The following FOS variants were observed in gnomAD, a reference collection of about 807,000 sequenced individuals.
FOS encodes the protein protein c-Fos.
FOS carries 9 observed loss-of-function variants against 27.2 expected under a neutral mutation model. The observed-to-expected ratio is 0.33, with a 90% CI of 0.20 to 0.58. The LOEUF (loss-of-function observed/expected upper bound fraction) is 0.58, where lower values mean the gene tolerates loss of function less well. FOS is among the 20% of genes least tolerant of loss of function. The pLI is 0.87. For synonymous variants in FOS, 213 were observed against 205.1 expected (o/e 1.04, Z -0.33); for missense variants, 405 against 483.5 (o/e 0.84, Z 1.52).
At position 75,281,052 on chromosome 14, in the gene FOS, G is replaced by A; in HGVS notation, c.771G>A (p.Lys257=). 2 of 1,613,210 alleles carry A rather than the reference G, an allele frequency of 1.2e-6. No homozygotes were observed. Among genetic ancestry groups the A allele is most frequent in the Non-Finnish European group, 1.7e-6 (2 of 1,180,032 alleles). ...CCAAGCCCTCAGTGGAACCTGTCAA[G>A]AGCATCAGCAGCATGGAGCTGAAGA... The part of the protein sequence containing the change: ...PEPKPSVEPV[K]SISSMELKTE... The change falls in exon 4 of 4, where the codon AAG becomes AAA. Residue 257 remains lysine (K), a synonymous_variant. Transcript: ENST00000303562. This position sits in a 1 kb window ranked among gnomAD's most constrained non-coding sequence, Gnocchi z 4.7.
In FOS at chr14:75,278,902, G is replaced by A; in HGVS notation, c.-81G>A. 1 of 1,552,558 alleles carries A rather than the reference G, an allele frequency of 6.4e-7. No homozygotes were observed. The highest frequency in any genetic ancestry group is 8.8e-7 in the Non-Finnish European group (1 of 1,140,500). On this transcript the variant is annotated 5_prime_UTR_variant, in exon 1 of 4. In the 5' UTR this introduces an upstream ATG that the reference lacks. Coordinates refer to ENST00000303562, the MANE Select transcript of FOS (RefSeq NM_005252.4). The surrounding 1 kb of genome is among the most constrained non-coding windows in gnomAD (Gnocchi z 4.1). Reference sequence around the variant, plus strand: ...GCGGCGCAGCGAACGAGCAGTGACCGTGCTCCTACCCAGCTCTGCTCCACA... The same window carrying A: ...GCGGCGCAGCGAACGAGCAGTGACCATGCTCCTACCCAGCTCTGCTCCACA...
Position 75,279,041 on chromosome 14 carries a change from C to T in FOS, c.59C>T (p.Ala20Val). ...GCGTCATCCTCCCGCTGCAGCAGCG[C>T]GTCCCCGGCCGGGGATAGCCTCTCT... ...YEASSSRCSSASPAGDSLSYY... is the reference protein window; with the variant it reads ...YEASSSRCSSVSPAGDSLSYY... The change falls in exon 1 of 4, where the codon GCG (alanine) becomes GTG (valine). Residue 20 changes from alanine (A) to valine (V), a missense_variant. By Grantham distance (64) the Ala-to-Val change is moderately conservative. Transcript: ENST00000303562. This position sits in a 1 kb window ranked among gnomAD's most constrained non-coding sequence, Gnocchi z 5.4. 1 of 1,613,720 alleles carries T rather than the reference C, an allele frequency of 6.2e-7. No individual in the cohort carries two copies. Among genetic ancestry groups the T allele is most frequent in the African/African-American group, 1.3e-5 (1 of 75,058 alleles).
Position 75,281,396 on chromosome 14 carries a change from T to C in FOS, c.1115T>C (p.Leu372Pro). Reference sequence around the variant, plus strand: ...AGCAATGAGCCTTCCTCTGACTCGCTCAGCTCACCCACGCTGCTGGCCCTG... The same window carrying C: ...AGCAATGAGCCTTCCTCTGACTCGCCCAGCTCACCCACGCTGCTGGCCCTG... Reference protein sequence around the residue: ...SSSNEPSSDSLSSPTLLAL With the variant: ...SSSNEPSSDSPSSPTLLAL The change falls in exon 4 of 4, where the codon CTC (leucine) becomes CCC (proline). Residue 372 changes from leucine to proline, a missense_variant. Coordinates refer to ENST00000303562, the MANE Select transcript of FOS (RefSeq NM_005252.4). The surrounding 1 kb of genome is among the most constrained non-coding windows in gnomAD (Gnocchi z 4.7). 1 of 1,611,676 alleles carries C rather than the reference T, an allele frequency of 6.2e-7. No homozygotes were observed. The highest frequency in any genetic ancestry group is 8.5e-7 in the Non-Finnish European group (1 of 1,179,952).
At position 75,280,569 on chromosome 14, in the gene FOS, G is replaced by A. The variant is rs1897216221; in HGVS notation, c.403G>A (p.Glu135Lys). The A allele has an allele frequency of 6.2e-7, 1 of 1,612,152 alleles. No individual in the cohort carries two copies. Among genetic ancestry groups the A allele is most frequent in the Non-Finnish European group, 8.5e-7 (1 of 1,178,758 alleles). Reference protein sequence around the residue: ...RRGKVEQLSPEEEEKRRIRRE... With the variant: ...RRGKVEQLSPKEEEKRRIRRE... ...TTTGTGATTATTCTAGTTATCTCCA[G>A]AAGAAGAAGAGAAAAGGAGAATCCG... The change falls in exon 3 of 4, where the codon GAA (glutamate) becomes AAA (lysine). Residue 135 changes from glutamate to lysine, a missense_variant. By Grantham distance (56) the Glu-to-Lys change is moderately conservative. Coordinates refer to ENST00000303562, the MANE Select transcript of FOS (RefSeq NM_005252.4).
Position 75,279,656 on chromosome 14 carries a change from T to TA in FOS, c.142-219dup. On this transcript the variant is annotated intron_variant, in intron 1 of 3. Coordinates refer to ENST00000303562, the MANE Select transcript of FOS (RefSeq NM_005252.4). The surrounding 1 kb of genome is among the most constrained non-coding windows in gnomAD (Gnocchi z 5.4). The stretch of plus-strand genomic sequence containing the variant: ...TTTCAAGCAAGTGATGCTGAAGGGA[T>TA]AACGGGAACGCAGCGGCAGGATGGA... 5.1e-6 allele frequency: 3 copies of TA among 584,726 alleles called. No homozygotes were observed. The highest frequency in any genetic ancestry group is 9.1e-6 in the Non-Finnish European group (3 of 330,134). The allele number at this position is 584,726 out of a possible 1,614,324, so 36.2% of individuals were successfully genotyped here.
intron 2 of FOS, 35 bp downstream of exon 2, chr14:75,280,163 G>A: frequency 6.2e-7 from 1 of 1,613,136 alleles, no homozygotes; most frequent in Non-Finnish European, 8.5e-7. Flanking sequence ...CTGGGAATGT[G>A]GGGGCTGGGT....
In FOS at chr14:75,281,362, G is replaced by C; in HGVS notation, c.1081G>C (p.Gly361Arg). 6.2e-7 allele frequency: 1 copy of C among 1,611,274 alleles called. No homozygotes were observed. Among genetic ancestry groups the C allele is most frequent in the South Asian group, 1.1e-5 (1 of 91,084 alleles). Residue 361 changes from glycine to arginine, a missense_variant, in exon 4 of 4, where the codon GGC (glycine) becomes CGC (arginine). Gly to Arg is a moderately radical substitution (Grantham distance 125, BLOSUM62 -2). Transcript: ENST00000303562. The surrounding 1 kb of genome is among the most constrained non-coding windows in gnomAD (Gnocchi z 4.7). ...CAGCTGTGCAGCTGCCCACCGCAAG[G>C]GCAGCAGCAGCAATGAGCCTTCCTC... ...FPSCAAAHRK[G>R]SSSNEPSSDS...
chr14:75,280,225 A>G (rs756566010), intron 2 of FOS, 97 bp downstream of exon 2: 9 of 1,535,428 alleles, frequency 5.9e-6, no homozygotes, highest in Non-Finnish European at 7.2e-6. Flanking sequence ...GAAGCCACTG[A>G]TGGGGCTGGC....
rs936237399 is a variant in FOS, at chr14:75,280,775, G to A, written c.502-8G>A. 1.2e-6 allele frequency: 2 copies of A among 1,613,790 alleles called. No homozygotes were observed. Among genetic ancestry groups the A allele is most frequent in the East Asian group, 2.2e-5 (1 of 44,882 alleles). On this transcript the variant is annotated splice_region_variant and splice_polypyrimidine_tract_variant and intron_variant, in intron 3 of 3. Coordinates refer to ENST00000303562, the MANE Select transcript of FOS (RefSeq NM_005252.4). The stretch of plus-strand genomic sequence containing the variant: ...GTCTTATGCTTTCCTTTATCCCTCT[G>A]TATACAGGAGACAGACCAACTAGAA...
chr14:75,279,729 C>T lies in FOS; in HGVS notation c.142-148C>T. The T allele has an allele frequency of 1.1e-6, 1 of 920,406 alleles. No homozygotes were observed. The highest frequency in any genetic ancestry group is 2.4e-5 in the Admixed American group (1 of 42,470). The allele number at this position is 920,406 out of a possible 1,614,324, so 57.0% of individuals were successfully genotyped here. On this transcript the variant is annotated intron_variant, in intron 1 of 3. Transcript: ENST00000303562. The surrounding 1 kb of genome is among the most constrained non-coding windows in gnomAD (Gnocchi z 5.4). Reference sequence around the variant, plus strand: ...AATGCCTGGGAGGAAAAGGGGGAGACCTTTCATCCAGGATGAGGGACATTT... The same window carrying T: ...AATGCCTGGGAGGAAAAGGGGGAGATCTTTCATCCAGGATGAGGGACATTT...
chr14:75,281,358 C>T lies in FOS; in HGVS notation c.1077C>T (p.Arg359=). 1 of 1,611,152 alleles carries T rather than the reference C, an allele frequency of 6.2e-7. No individual in the cohort carries two copies. Among genetic ancestry groups the T allele is most frequent in the Non-Finnish European group, 8.5e-7 (1 of 1,179,970 alleles). The change falls in exon 4 of 4, where the codon CGC becomes CGT. Residue 359 remains arginine (R), a synonymous_variant. Coordinates refer to ENST00000303562, the MANE Select transcript of FOS (RefSeq NM_005252.4). The surrounding 1 kb of genome is among the most constrained non-coding windows in gnomAD (Gnocchi z 4.7). Reference sequence around the variant, plus strand: ...TCCCCAGCTGTGCAGCTGCCCACCGCAAGGGCAGCAGCAGCAATGAGCCTT... The same window carrying T: ...TCCCCAGCTGTGCAGCTGCCCACCGTAAGGGCAGCAGCAGCAATGAGCCTT... ...DSFPSCAAAH[R]KGSSSNEPSS... is the part of the protein sequence containing the mutation.
At position 75,279,941 on chromosome 14, in the gene FOS, C is replaced by A; in HGVS notation, c.206C>A (p.Thr69Asn). The change falls in exon 2 of 4, where the codon ACC (threonine) becomes AAC (asparagine). Residue 69 changes from threonine to asparagine, a missense_variant. Transcript: ENST00000303562. The surrounding 1 kb of genome is among the most constrained non-coding windows in gnomAD (Gnocchi z 5.4). ...NFIPTVTAIS[T>N]SPDLQWLVQP... is the part of the protein sequence containing the mutation. ...ATTCCCACGGTCACTGCCATCTCGA[C>A]CAGTCCGGACCTGCAGTGGCTGGTG... is the stretch of plus-strand genomic sequence containing the variant. 2.5e-6 allele frequency: 4 copies of A among 1,614,118 alleles called. No homozygotes were observed. The highest frequency in any genetic ancestry group is 3.4e-6 in the Non-Finnish European group (4 of 1,179,984).
intron 2 of FOS, 37 bp from the exon 3 acceptor site, chr14:75,280,521 CTT>C (rs1897215310): frequency 6.5e-7 from 1 of 1,539,604 alleles, no homozygotes; most frequent in Non-Finnish European, 8.9e-7. Context: ...ATGGCAGACA[CTT>C]TTACTGAATG....
In FOS at chr14:75,279,164, G is replaced by A. The variant is rs1337434066; in HGVS notation, c.141+41G>A. ...CGTCGCCGCGGGGCCGGGGGCTTGG[G>A]GTCGCGGAGGAGGAGACACCGGGCG... On this transcript the variant is annotated intron_variant, in intron 1 of 3. Coordinates refer to ENST00000303562, the MANE Select transcript of FOS (RefSeq NM_005252.4). This position sits in a 1 kb window ranked among gnomAD's most constrained non-coding sequence, Gnocchi z 5.4. 2 of 1,607,828 alleles carry A rather than the reference G, an allele frequency of 1.2e-6. No individual in the cohort carries two copies. Among genetic ancestry groups the A allele is most frequent in the East Asian group, 2.2e-5 (1 of 44,834 alleles).
At position 75,281,430 on chromosome 14, in the gene FOS, C is replaced by A; in HGVS notation, c.*6C>A. Reference sequence around the variant, plus strand: ...CCACGCTGCTGGCCCTGTGAGGGGGCAGGGAAGGGGAGGCAGCCGGCACCC... The same window carrying A: ...CCACGCTGCTGGCCCTGTGAGGGGGAAGGGAAGGGGAGGCAGCCGGCACCC... On this transcript the variant is annotated 3_prime_UTR_variant, in exon 4 of 4. Transcript: ENST00000303562. This position sits in a 1 kb window ranked among gnomAD's most constrained non-coding sequence, Gnocchi z 4.7. 1 of 1,608,234 alleles carries A rather than the reference C, an allele frequency of 6.2e-7. No homozygotes were observed.
chr14:75,279,744 G>A lies in FOS; in HGVS notation c.142-133G>A. 9.4e-7 allele frequency: 1 copy of A among 1,063,158 alleles called. No individual in the cohort carries two copies. Among genetic ancestry groups the A allele is most frequent in the Non-Finnish European group, 1.4e-6 (1 of 728,338 alleles). The allele number at this position is 1,063,158 out of a possible 1,614,324, so 65.9% of individuals were successfully genotyped here. ...AAGGGGGAGACCTTTCATCCAGGAT[G>A]AGGGACATTTAAGATGAAATGTCCG... On this transcript the variant is annotated intron_variant, in intron 1 of 3. Coordinates refer to ENST00000303562, the MANE Select transcript of FOS (RefSeq NM_005252.4). This position sits in a 1 kb window ranked among gnomAD's most constrained non-coding sequence, Gnocchi z 5.4.
Position 75,278,866 on chromosome 14 carries a change from A to G in FOS, c.-117A>G. On this transcript the variant is annotated 5_prime_UTR_variant, in exon 1 of 4. Coordinates refer to ENST00000303562, the MANE Select transcript of FOS (RefSeq NM_005252.4). This position sits in a 1 kb window ranked among gnomAD's most constrained non-coding sequence, Gnocchi z 4.1. The stretch of plus-strand genomic sequence containing the variant: ...GCGAGCATCTGAGAAGCCAAGACTG[A>G]GCCGGCGGCCGCGGCGCAGCGAACG... 1 of 1,266,582 alleles carries G rather than the reference A, an allele frequency of 7.9e-7. No individual in the cohort carries two copies. Among genetic ancestry groups the G allele is most frequent in the Non-Finnish European group, 1.1e-6 (1 of 909,036 alleles). 78.5% of individuals were successfully genotyped at this position (1,266,582 alleles called of 1,614,324 possible).
chr14:75,279,212 G>A lies in FOS; in HGVS notation c.141+89G>A. 6.4e-7 allele frequency: 1 copy of A among 1,556,296 alleles called. No homozygotes were observed. The highest frequency in any genetic ancestry group is 1.1e-5 in the South Asian group (1 of 89,290). On this transcript the variant is annotated intron_variant, in intron 1 of 3. Transcript: ENST00000303562. The surrounding 1 kb of genome is among the most constrained non-coding windows in gnomAD (Gnocchi z 5.4). Reference sequence around the variant, plus strand: ...GCGGGACGCTCCAGTAGATGAGTAGGGGGCTCCCTTGTGCCTGGAGGGAGG... The same window carrying A: ...GCGGGACGCTCCAGTAGATGAGTAGAGGGCTCCCTTGTGCCTGGAGGGAGG...
At chr14:75,280,521 C>G (rs117104294) in intron 2 of FOS, 39 bp from the exon 3 acceptor site, 6 of 1,539,722 alleles carry the variant, frequency 3.9e-6, no homozygotes, top group East Asian at 2.3e-5. Context: ...ATGGCAGACA[C>G]TTTTACTGAA....
Sources: gnomAD v4.1 joint callset for allele counts on GRCh38, gnomAD v4.1.1 for gene constraint, Gnocchi (gnomAD v3.1) non-coding constraint, MANE v1.5 for transcripts, NCBI Gene and HGNC (gene_info 2026-07-23, HGNC 2026-07-21) for gene names.